The following ROBO1 variants were observed in gnomAD, a reference collection of about 807,000 sequenced individuals.
The protein encoded by ROBO1 is roundabout homolog 1.
In ROBO1, 149 loss-of-function variants were observed where a neutral mutation model predicts 195.9. The ratio of observed to expected loss-of-function variants is 0.76; its 90% CI spans 0.67 to 0.87. The LOEUF is 0.87. Ranked by LOEUF, ROBO1 falls within the 40% of genes least tolerant of loss-of-function variation. The pLI, the probability that ROBO1 is intolerant of heterozygous loss-of-function variation, is 0.00. For synonymous variants in ROBO1, 816 were observed against 733.2 expected, an observed-to-expected ratio of 1.11 and a Z score of -1.82; for missense variants, 1,933 against 2,068.3, an observed-to-expected ratio of 0.93 and a Z score of 1.27.
chr3:78,798,892 G>T (rs2084266715), intron 4 of ROBO1, among the ~76,000 whole-genome samples: 1 of 152,182 alleles, frequency 6.6e-6, no homozygotes, highest in Non-Finnish European at 1.5e-5. Context: ...CGACTAAGAT[G>T]AAGGATAGAC....
At chr3:78,719,793 G>A (rs1176715968) in intron 5 of ROBO1, among the ~76,000 whole-genome samples, 2 of 151,994 alleles carry the variant, frequency 1.3e-5, no homozygotes, top group Admixed American at 6.6e-5. Flanking sequence ...CATTCTTCCC[G>A]CTTATGAACA....
chr3:78,614,588 A>G, intron 28 of ROBO1, 60 bp downstream of exon 28: 1 of 1,574,564 alleles, frequency 6.4e-7, no homozygotes. Flanking sequence ...TGCTAGTCCT[A>G]GAGAGGCAGG....
At chr3:79,346,712 A>C (rs2109246907) in intron 2 of ROBO1, among the ~76,000 whole-genome samples, 1 of 152,204 alleles carries the variant, frequency 6.6e-6, no homozygotes, top group South Asian at 2.1e-4. Flanking sequence ...ATTAAAAAGA[A>C]GACCTATTTC....
intron 3 of ROBO1, among the ~76,000 whole-genome samples, chr3:79,124,589 A>T (rs2080180303): frequency 6.6e-6 from 1 of 152,064 alleles, no homozygotes; most frequent in Non-Finnish European, 1.5e-5. Flanking sequence ...TACACACACA[A>T]CCTATCCACA....
At chr3:79,493,154 A>G (rs1457181643) in intron 2 of ROBO1, among the ~76,000 whole-genome samples, 1 of 152,074 alleles carries the variant, frequency 6.6e-6, no homozygotes, top group Non-Finnish European at 1.5e-5. Flanking sequence ...ATTATAACAT[A>G]TTAAAAAGGT....
At chr3:78,925,061 G>A (rs1202482838) in intron 4 of ROBO1, among the ~76,000 whole-genome samples, 5 of 151,480 alleles carry the variant, frequency 3.3e-5, no homozygotes, top group African/African-American at 4.9e-5. Context: ...AGTTTCAAGC[G>A]GTACATGTTA....
At chr3:78,881,623 A>G (rs2036185945) in intron 4 of ROBO1, among the ~76,000 whole-genome samples, 2 of 152,158 alleles carry the variant, frequency 1.3e-5, no homozygotes, top group African/African-American at 4.8e-5. Flanking sequence ...ACTATTTTTC[A>G]TATTCTTCTC....
intron 2 of ROBO1, among the ~76,000 whole-genome samples, chr3:79,313,962 C>A (rs2033613304): frequency 1.3e-5 from 2 of 152,236 alleles, no homozygotes; most frequent in Non-Finnish European, 1.5e-5. Flanking sequence ...GTGTTAAACT[C>A]AGCAGCTTAG....
At chr3:79,248,549 G>A (rs2082667035) in intron 2 of ROBO1, among the ~76,000 whole-genome samples, 1 of 152,050 alleles carries the variant, frequency 6.6e-6, no homozygotes, top group Non-Finnish European at 1.5e-5. Context: ...AAGTCTGATA[G>A]AAAGTTATTG....
At chr3:79,435,870 C>T (rs1364472604) in intron 2 of ROBO1, among the ~76,000 whole-genome samples, 1 of 152,096 alleles carries the variant, frequency 6.6e-6, no homozygotes, top group Non-Finnish European at 1.5e-5. Flanking sequence ...TAAACTTTTT[C>T]TACTTTTCTG....
At chr3:78,602,323 T>A (rs904443122) in intron 29 of ROBO1, among the ~76,000 whole-genome samples, 2 of 152,088 alleles carry the variant, frequency 1.3e-5, no homozygotes, top group African/African-American at 4.8e-5. Flanking sequence ...TTTCACCATG[T>A]GATGTGCCTA....
chr3:78,676,948 G>T (rs994153726), intron 10 of ROBO1, among the ~76,000 whole-genome samples: 4 of 152,128 alleles, frequency 2.6e-5, no homozygotes, highest in African/African-American at 9.7e-5. Context: ...ACCCACAAAG[G>T]GAAGACCATC....
Position 78,657,229 on chromosome 3 carries a change from T to G in ROBO1, c.2483A>C (p.Lys828Thr). 2 of 1,613,730 alleles carry G rather than the reference T, an allele frequency of 1.2e-6. No homozygotes were observed. Among genetic ancestry groups the G allele is most frequent in the South Asian group, 2.2e-5 (2 of 90,998 alleles). Residue 828 changes from lysine to threonine, a missense_variant, in exon 18 of 31, where the codon AAA becomes ACA. By Grantham distance (78) the Lys-to-Thr change is moderately conservative (BLOSUM62 -1). This residue lies in a region of ROBO1 where 1,737 missense variants were observed against 1,882.5 expected (regional missense o/e 0.92). Coordinates refer to ENST00000464233, the MANE Select transcript of ROBO1 (RefSeq NM_002941.4). ...GGAAAAGGTGGAACCATCCACTGTTTTGTTGATGTGGTATCGAGTTTCATT... is the reference window on the plus strand; with the variant it reads ...GGAAAAGGTGGAACCATCCACTGTTGTGTTGATGTGGTATCGAGTTTCATT... ...LGNETRYHIN[K>T]TVDGSTFSVV...
At chr3:79,237,291 G>A (rs2082426875) in intron 2 of ROBO1, among the ~76,000 whole-genome samples, 1 of 152,034 alleles carries the variant, frequency 6.6e-6, no homozygotes, top group Admixed American at 6.6e-5. Flanking sequence ...GACCATCCCT[G>A]CTAACACGTT....
At chr3:78,869,289 T>G (rs1026190845) in intron 4 of ROBO1, among the ~76,000 whole-genome samples, 28 of 152,198 alleles carry the variant, frequency 1.8e-4, no homozygotes, top group African/African-American at 6.8e-4. Flanking sequence ...GTTGACTCCA[T>G]TTAAACCAAC....
intron 1 of ROBO1, among the ~76,000 whole-genome samples, chr3:79,674,363 T>C (rs1946719869): frequency 6.6e-6 from 1 of 152,118 alleles, no homozygotes; most frequent in Middle Eastern, 3.4e-3. Flanking sequence ...TTTTAAAGCA[T>C]AAATTTATTT....
At chr3:78,938,456 A>G in intron 4 of ROBO1, 145 bp downstream of exon 4, 2 of 637,562 alleles carry the variant, frequency 3.1e-6, no homozygotes, top group African/African-American at 1.8e-5. Context: ...GAAAACCGAA[A>G]TAGTAGATTG....
At chr3:79,215,079 T>A (rs2082031599) in intron 2 of ROBO1, among the ~76,000 whole-genome samples, 1 of 152,130 alleles carries the variant, frequency 6.6e-6, no homozygotes, top group African/African-American at 2.4e-5. Flanking sequence ...TATCCCGGCC[T>A]GACCAGGTAT....
In ROBO1 at chr3:79,164,985, AT is replaced by A. The variant is rs1006766480; in HGVS notation, c.89-39447del. On this transcript the variant is annotated intron_variant, in intron 2 of 30. Coordinates refer to ENST00000464233, the MANE Select transcript of ROBO1 (RefSeq NM_002941.4). ...CACACTGCACACCCCTAACCTTATC[AT>A]TTTTTTTCCTGATACTTAACACATT... Among the ~76,000 whole-genome samples, 242 of 151,888 alleles carry A rather than the reference AT, an allele frequency of 1.6e-3. 1 individual carries two copies. Among genetic ancestry groups the A allele is most frequent in the African/African-American group, 5.6e-3 (232 of 41,432 alleles).
Sources: gnomAD v4.1 joint callset for allele counts (sites outside exome capture counted in the v4.1 genomes callset) on GRCh38, gnomAD v4.1.1 for gene constraint, gnomAD v4.1.1 regional missense constraint, MANE v1.5 for transcripts, NCBI Gene and HGNC (gene_info 2026-07-23, HGNC 2026-07-21) for gene names.